The following MAGI2 variants were observed in gnomAD, a reference collection of about 807,000 sequenced individuals.
The protein encoded by MAGI2 is membrane-associated guanylate kinase, WW and PDZ domain-containing protein 2.
MAGI2 carries 35 observed loss-of-function variants against 133.3 expected under a neutral mutation model. The observed-to-expected ratio is 0.26, with a 90% CI of 0.20 to 0.35. The LOEUF is 0.35. Among genes scored for constraint, MAGI2 ranks in the 10% least tolerant of loss-of-function variants. MAGI2 has a pLI of 1.00. For missense variants in MAGI2, 1,636 were observed against 1,863.4 expected (o/e 0.88, Z 2.25); for synonymous variants, 729 against 710.6 (o/e 1.03, Z -0.41).
At chr7:79,357,583 G>A (rs1239034500) in intron 1 of MAGI2, among the ~76,000 whole-genome samples, 1 of 152,110 alleles carries the variant, frequency 6.6e-6, no homozygotes, top group African/African-American at 2.4e-5. Context: ...AATTGCTAAG[G>A]AAGTTAAATG....
At chr7:79,056,222 A>AAAC (rs150423309) in intron 1 of MAGI2, among the ~76,000 whole-genome samples, 3,776 of 149,354 alleles carry the variant, frequency 0.025, 164 homozygotes, top group African/African-American at 0.091. Context: ...CCATCTCAAA[A>AAAC]AACAACAAAA....
intron 2 of MAGI2, among the ~76,000 whole-genome samples, chr7:78,662,644 A>C (rs972618851): frequency 1.3e-5 from 2 of 152,180 alleles, no homozygotes; most frequent in Non-Finnish European, 2.9e-5. Context: ...CCATCATTGC[A>C]CTTCTGTAAA....
chr7:79,192,733 A>T (rs1375104981), intron 1 of MAGI2, among the ~76,000 whole-genome samples: 1 of 151,864 alleles, frequency 6.6e-6, no homozygotes, highest in East Asian at 1.9e-4. Context: ...TACAAAGAGG[A>T]CAAATTGGCT....
chr7:78,749,649 G>T (rs1294555213), intron 2 of MAGI2, among the ~76,000 whole-genome samples: 1 of 152,120 alleles, frequency 6.6e-6, no homozygotes, highest in African/African-American at 2.4e-5. Context: ...ATTGCAGAGG[G>T]CCTCAAATGC....
At chr7:78,631,617 A>G (rs1262617642) in intron 2 of MAGI2, among the ~76,000 whole-genome samples, 1 of 152,194 alleles carries the variant, frequency 6.6e-6, no homozygotes, top group Non-Finnish European at 1.5e-5. Flanking sequence ...CACAACTCTC[A>G]TGGTATGCCA....
chr7:79,104,874 C>A (rs1403125092), intron 1 of MAGI2, among the ~76,000 whole-genome samples: 1 of 152,160 alleles, frequency 6.6e-6, no homozygotes. Flanking sequence ...CTACCAGAAG[C>A]TCTCACGCCT....
chr7:79,258,529 T>G (rs1325093231), intron 1 of MAGI2, among the ~76,000 whole-genome samples: 1 of 152,212 alleles, frequency 6.6e-6, no homozygotes, highest in East Asian at 1.9e-4. Context: ...TTCAGCTAAG[T>G]TATTGAAGGA....
intron 1 of MAGI2, among the ~76,000 whole-genome samples, chr7:79,108,305 T>C (rs1029330216): frequency 3.3e-5 from 5 of 152,234 alleles, no homozygotes; most frequent in African/African-American, 1.2e-4. Flanking sequence ...TTTGGAATGG[T>C]ATCAATGTCA....
At chr7:79,324,392 A>ATG (rs1226592941) in intron 1 of MAGI2, among the ~76,000 whole-genome samples, 30 of 145,540 alleles carry the variant, frequency 2.1e-4, no homozygotes, top group African/African-American at 7.6e-4. Flanking sequence ...GTGTGTATGT[A>ATG]TATATATATA....
At chr7:78,541,649 G>A (rs1004971018) in intron 3 of MAGI2, among the ~76,000 whole-genome samples, 3 of 152,158 alleles carry the variant, frequency 2.0e-5, no homozygotes, top group Non-Finnish European at 4.4e-5. Flanking sequence ...TATGAGAAAT[G>A]CACATTCTCA....
rs963792417 is a variant in MAGI2, at chr7:78,846,819, T to C, written c.418+160271A>G. Among the ~76,000 whole-genome samples the C allele has an allele frequency of 6.6e-5, 10 of 151,970 alleles. No homozygotes were observed. The South Asian group carries it at 1.7e-3, about 25-fold the overall frequency. On this transcript the variant is annotated intron_variant, in intron 2 of 21. Transcript: ENST00000354212. ...CAGTAATAGTGGCTCAGGAAAGTACTGAAACTCTATGGGATGAAGTAAAAC... is the reference window on the plus strand; with the variant it reads ...CAGTAATAGTGGCTCAGGAAAGTACCGAAACTCTATGGGATGAAGTAAAAC...
chr7:78,282,796 T>C (rs904023364), intron 9 of MAGI2, among the ~76,000 whole-genome samples: 3 of 152,094 alleles, frequency 2.0e-5, no homozygotes, highest in Admixed American at 2.0e-4. Flanking sequence ...TCAAGCTTTG[T>C]TGACTTCATG....
Position 78,693,588 on chromosome 7 carries a change from G to A in MAGI2, c.419-66349C>T, listed in dbSNP as rs1383833931. Reference sequence around the variant, plus strand: ...TATTTGCTTCTTGCTAAATACAAATGTTCAGAGGCTTGGGAAGGAATCATG... The same window carrying A: ...TATTTGCTTCTTGCTAAATACAAATATTCAGAGGCTTGGGAAGGAATCATG... On this transcript the variant is annotated intron_variant, in intron 2 of 21. Transcript: ENST00000354212. 2.6e-5 allele frequency among the ~76,000 whole-genome samples: 4 copies of A among 152,250 alleles called. No individual in the cohort carries two copies. In the East Asian group the frequency reaches 7.7e-4, roughly 29 times the overall value.
At chr7:78,574,910 A>G (rs150240416) in intron 3 of MAGI2, among the ~76,000 whole-genome samples, 15 of 152,340 alleles carry the variant, frequency 9.8e-5, no homozygotes, top group Admixed American at 2.0e-4. Flanking sequence ...ATTAAGTGTT[A>G]TCTTTAGAAA....
At chr7:78,132,154 C>T (rs532460603) in intron 18 of MAGI2, among the ~76,000 whole-genome samples, 234 of 152,328 alleles carry the variant, frequency 1.5e-3, no homozygotes, top group Middle Eastern at 0.01. Flanking sequence ...GGATTATAGG[C>T]GTGAGCCACC....
At chr7:78,461,150 C>T (rs536179291) in intron 6 of MAGI2, among the ~76,000 whole-genome samples, 1 of 152,056 alleles carries the variant, frequency 6.6e-6, no homozygotes, top group Non-Finnish European at 1.5e-5. Flanking sequence ...GTCAGTTTAT[C>T]CAGTTATTGT....
At chr7:79,030,432 G>T (rs1162105803) in intron 1 of MAGI2, 18 of 152,192 alleles carry the variant, frequency 1.2e-4, no homozygotes, top group Non-Finnish European at 1.5e-5. Context: ...TTTGGGACAA[G>T]GAGGTATTTT....
chr7:79,266,925 G>A (rs1480424248), intron 1 of MAGI2, among the ~76,000 whole-genome samples: 1 of 152,026 alleles, frequency 6.6e-6, no homozygotes, highest in Non-Finnish European at 1.5e-5. Context: ...CCTACCAGAT[G>A]GAAAATGAGG....
At chr7:78,589,733 T>A (rs1009379008) in intron 3 of MAGI2, among the ~76,000 whole-genome samples, 2 of 152,194 alleles carry the variant, frequency 1.3e-5, no homozygotes, top group African/African-American at 4.8e-5. Flanking sequence ...AAAGGGTACA[T>A]GTCAAATTTG....
Sources: allele counts gnomAD v4.1 joint callset (sites outside exome capture counted in the v4.1 genomes callset), GRCh38; gene constraint gnomAD v4.1.1; transcripts MANE v1.5; gene names NCBI Gene and HGNC (gene_info 2026-07-23, HGNC 2026-07-21).